Variants in COL11A1 observed in about 807,000 individuals in gnomAD.
COL11A1 encodes collagen type XI alpha 1 chain, also known as collagen alpha-1(XI) chain.
COL11A1 carries 74 observed loss-of-function variants against 265.2 expected under a neutral mutation model. That is an observed-to-expected ratio of 0.28 (90% CI 0.23 to 0.34). COL11A1 has a LOEUF of 0.34. Among genes scored for constraint, COL11A1 ranks in the 10% least tolerant of loss-of-function variants. The pLI is 1.00. For synonymous variants in COL11A1, 816 were observed against 727.6 expected, an observed-to-expected ratio of 1.12 and a Z score of -1.96; for missense variants, 2,165 against 2,263.6, an observed-to-expected ratio of 0.96 and a Z score of 0.88.
chr1:102,903,254 A>G (rs933050487), intron 54 of COL11A1, among the ~76,000 whole-genome samples: 2 of 152,176 alleles, frequency 1.3e-5, no homozygotes, highest in Non-Finnish European at 2.9e-5. Context: ...ATGAATGATA[A>G]TGTAATTCTC....
intron 31 of COL11A1, among the ~76,000 whole-genome samples, chr1:102,982,470 G>T (rs1157850594): frequency 6.6e-6 from 1 of 152,020 alleles, no homozygotes; most frequent in Non-Finnish European, 1.5e-5. Context: ...TGCAGTGAAT[G>T]GCTTCTTTTA....
chr1:102,982,777 G>A (rs11164651), intron 31 of COL11A1, among the ~76,000 whole-genome samples: 374 of 152,136 alleles, frequency 2.5e-3, no homozygotes, highest in African/African-American at 8.3e-3. Context: ...GTGTTATCAC[G>A]TGGCAATGAG....
At chr1:102,882,136 C>G (rs1402399492) in intron 64 of COL11A1, among the ~76,000 whole-genome samples, 1 of 151,242 alleles carries the variant, frequency 6.6e-6, no homozygotes. Context: ...AAGGCAGGTA[C>G]CATCTTCACT....
chr1:102,978,086 C>CA (rs1662675820), intron 35 of COL11A1, among the ~76,000 whole-genome samples: 1 of 151,992 alleles, frequency 6.6e-6, no homozygotes, highest in Non-Finnish European at 1.5e-5. Flanking sequence ...TAAAGGAATA[C>CA]AGATTATAAT....
At chr1:103,022,693 T>A in intron 8 of COL11A1, 49 bp downstream of exon 8, 1 of 1,609,626 alleles carries the variant, frequency 6.2e-7, no homozygotes, top group African/African-American at 1.3e-5. Context: ...GACATAAAAA[T>A]ATCCCATAAA....
Position 103,082,791 on chromosome 1 carries a change from T to A in COL11A1, c.274+14A>T, listed in dbSNP as rs748226378. ...TTAGTAATAATAACAATAATAATAA[T>A]AAAGTGAATATACCTGGAAATAACT... On this transcript the variant is annotated intron_variant, in intron 2 of 66. Transcript: ENST00000370096. 1 of 1,603,788 alleles carries A rather than the reference T, an allele frequency of 6.2e-7. No individual in the cohort carries two copies. The highest frequency in any genetic ancestry group is 2.2e-5 in the East Asian group (1 of 44,738).
chr1:103,053,756 G>A (rs1300500798), intron 4 of COL11A1, among the ~76,000 whole-genome samples: 1 of 152,160 alleles, frequency 6.6e-6, no homozygotes, highest in African/African-American at 2.4e-5. Context: ...AAATTTTTAT[G>A]TGGAATCTCA....
intron 46 of COL11A1, among the ~76,000 whole-genome samples, chr1:102,926,733 A>G (rs1656637047): frequency 6.6e-6 from 1 of 152,172 alleles, no homozygotes; most frequent in Non-Finnish European, 1.5e-5. Context: ...TTTAATCATG[A>G]GAACTGTTTC....
intron 57 of COL11A1, among the ~76,000 whole-genome samples, 200 bp from the exon 58 acceptor site, chr1:102,890,704 TG>T (rs1651661480): frequency 6.6e-6 from 1 of 152,078 alleles, no homozygotes; most frequent in South Asian, 2.1e-4. Context: ...ACCATAATAT[TG>T]ATAATTTTGA....
At chr1:103,101,969 T>C (rs983886701) in intron 1 of COL11A1, among the ~76,000 whole-genome samples, 1 of 152,062 alleles carries the variant, frequency 6.6e-6, no homozygotes, top group Non-Finnish European at 1.5e-5. Flanking sequence ...ACAGTAGGTC[T>C]GGTGATCAGC....
chr1:102,991,407 T>G (rs1664112501), intron 28 of COL11A1, among the ~76,000 whole-genome samples: 1 of 150,884 alleles, frequency 6.6e-6, no homozygotes, highest in African/African-American at 2.4e-5. Context: ...CGTATCAAAT[T>G]GCTAATAATC....
chr1:103,052,497 C>T (rs1669911033), intron 4 of COL11A1, among the ~76,000 whole-genome samples: 1 of 152,106 alleles, frequency 6.6e-6, no homozygotes, highest in Non-Finnish European at 1.5e-5. Context: ...TTTTACTACT[C>T]TAGGTTTAGT....
At chr1:103,060,282 A>G (rs1325525384) in intron 4 of COL11A1, among the ~76,000 whole-genome samples, 1 of 152,154 alleles carries the variant, frequency 6.6e-6, no homozygotes, top group East Asian at 1.9e-4. Context: ...AAGGAGAAAT[A>G]TAGACTTTCT....
intron 4 of COL11A1, among the ~76,000 whole-genome samples, chr1:103,074,415 CG>C (rs1319286850): frequency 6.6e-6 from 1 of 152,056 alleles, no homozygotes; most frequent in Admixed American, 6.6e-5. Context: ...GTTTCCCAGG[CG>C]TTACGGTCAC....
intron 46 of COL11A1, among the ~76,000 whole-genome samples, chr1:102,927,116 G>A (rs1449345141): frequency 1.3e-5 from 2 of 151,908 alleles, no homozygotes; most frequent in African/African-American, 4.8e-5. Flanking sequence ...TATCAACACA[G>A]TAATTTTATA....
chr1:103,000,964 G>A, intron 24 of COL11A1: 1 of 388,134 alleles, frequency 2.6e-6, no homozygotes. Flanking sequence ...CTACAGCATG[G>A]ATGAACCTAA....
chr1:102,959,898 A>T (rs113406772), intron 41 of COL11A1, among the ~76,000 whole-genome samples: 3,554 of 152,264 alleles, frequency 0.023, 57 homozygotes, highest in Middle Eastern at 0.082. Flanking sequence ...CACAGCTCAG[A>T]TGATTAGTTC....
intron 1 of COL11A1, among the ~76,000 whole-genome samples, chr1:103,092,542 G>T (rs1673409705): frequency 1.3e-5 from 2 of 152,088 alleles, no homozygotes; most frequent in African/African-American, 4.8e-5. Context: ...ACATAAAGAT[G>T]CAGCAATAAA....
chr1:102,962,155 C>A lies in COL11A1; in HGVS notation c.3114+21G>T, dbSNP rs764335425. On this transcript the variant is annotated intron_variant, in intron 40 of 66. Coordinates refer to ENST00000370096, the MANE Select transcript of COL11A1 (RefSeq NM_001854.4). ...AAACAATTGGAATCACTTGCTTTAT[C>A]TATATAGATATTGATTATACCTGAG... The A allele has an allele frequency of 1.9e-6, 3 of 1,567,458 alleles. No individual in the cohort carries two copies. In the South Asian group the frequency reaches 3.3e-5, roughly 17 times the overall value.
Sources: allele counts gnomAD v4.1 joint callset (sites outside exome capture counted in the v4.1 genomes callset), GRCh38; gene constraint gnomAD v4.1.1; transcripts MANE v1.5; gene names NCBI Gene and HGNC (gene_info 2026-07-23, HGNC 2026-07-21).